POU2F1: variants seen among roughly 807,000 people sequenced by gnomAD.
POU2F1 encodes POU domain, class 2, transcription factor 1.
POU2F1 carries 16 observed loss-of-function variants against 84.9 expected under a neutral mutation model. The ratio of observed to expected loss-of-function variants is 0.19; its 90% CI spans 0.13 to 0.29. The LOEUF (loss-of-function observed/expected upper bound fraction) is 0.29, where lower values mean the gene tolerates loss of function less well. Ranked by LOEUF, POU2F1 falls within the 10% of genes least tolerant of loss-of-function variation. The pLI, the probability that POU2F1 is intolerant of heterozygous loss-of-function variation, is 1.00. For missense variants in POU2F1, 738 were observed against 942.6 expected (o/e 0.78, Z 2.84); for synonymous variants, 368 against 368.3 (o/e 1.00, Z 0.01).
At chr1:167,252,767 G>T (rs1241297146) in intron 1 of POU2F1, among the ~76,000 whole-genome samples, 1 of 152,146 alleles carries the variant, frequency 6.6e-6, no homozygotes, top group Non-Finnish European at 1.5e-5. Context: ...ATTATTTTAA[G>T]AATACGTAAC....
chr1:167,376,384 G>A (rs1660334210), intron 7 of POU2F1, among the ~76,000 whole-genome samples: 1 of 152,148 alleles, frequency 6.6e-6, no homozygotes, highest in Non-Finnish European at 1.5e-5. Context: ...AATCACTAAG[G>A]AAGAACCAAG....
chr1:167,242,332 CAAG>C (rs908745001), intron 1 of POU2F1, among the ~76,000 whole-genome samples: 6 of 152,128 alleles, frequency 3.9e-5, no homozygotes, highest in East Asian at 1.9e-4. Context: ...AGAAGAGAAC[CAAG>C]AAGAAGTGTA....
intron 1 of POU2F1, among the ~76,000 whole-genome samples, chr1:167,332,122 C>A (rs1045455888): frequency 4.6e-5 from 7 of 151,942 alleles, no homozygotes; most frequent in African/African-American, 1.7e-4. Flanking sequence ...AGGTGCTTCC[C>A]CCCTTTCCAG....
At chr1:167,235,306 G>C (rs1221572881) in intron 1 of POU2F1, among the ~76,000 whole-genome samples, 2 of 152,284 alleles carry the variant, frequency 1.3e-5, no homozygotes, top group African/African-American at 2.4e-5. Context: ...TTGGCAGACT[G>C]TTTTATACAT....
At chr1:167,289,130 AT>A (rs1653737343) in intron 1 of POU2F1, among the ~76,000 whole-genome samples, 2 of 152,226 alleles carry the variant, frequency 1.3e-5, no homozygotes, top group African/African-American at 4.8e-5. Context: ...AGCTGCCTTT[AT>A]TCCAAATCAA....
chr1:167,324,624 C>T (rs1193339494), intron 1 of POU2F1, among the ~76,000 whole-genome samples: 2 of 152,144 alleles, frequency 1.3e-5, no homozygotes, highest in African/African-American at 4.8e-5. Context: ...ACTTGTCTTC[C>T]TCTCATGCCC....
intron 1 of POU2F1, among the ~76,000 whole-genome samples, chr1:167,300,436 C>T (rs763316187): frequency 2.0e-5 from 3 of 152,062 alleles, no homozygotes; most frequent in Non-Finnish European, 4.4e-5. Flanking sequence ...TAAAAATTTA[C>T]AAAAAGAATT....
chr1:167,314,679 T>G (rs1416341965), intron 1 of POU2F1, among the ~76,000 whole-genome samples: 2 of 151,896 alleles, frequency 1.3e-5, no homozygotes, highest in Admixed American at 6.6e-5. Flanking sequence ...GAGGCTGAGG[T>G]GGGAGGATTG....
Position 167,297,506 on chromosome 1 carries a change from G to A in POU2F1, c.62-34964G>A, listed in dbSNP as rs139727153. Among the ~76,000 whole-genome samples the A allele has an allele frequency of 3.3e-5, 5 of 152,310 alleles. No homozygotes were observed. The East Asian group carries it at 9.6e-4, about 29-fold the overall frequency. ...GTCCAGAGAAAAGAGAGTAGTCTCA[G>A]TATTCTCTATTAAAAGTAAGACTAT... On this transcript the variant is annotated intron_variant, in intron 1 of 15. Transcript: ENST00000367866.
intron 1 of POU2F1, among the ~76,000 whole-genome samples, chr1:167,289,818 T>C (rs956637655): frequency 6.6e-6 from 1 of 152,230 alleles, no homozygotes; most frequent in Non-Finnish European, 1.5e-5. Context: ...CTGGCTTGTG[T>C]TCTGTTCTCT....
intron 1 of POU2F1, among the ~76,000 whole-genome samples, chr1:167,272,916 A>T (rs1652472896): frequency 6.6e-6 from 1 of 152,144 alleles, no homozygotes; most frequent in Admixed American, 6.5e-5. Context: ...CACAATCCAA[A>T]GTCTTATCTG....
At chr1:167,273,230 C>T (rs981717141) in intron 1 of POU2F1, among the ~76,000 whole-genome samples, 9 of 152,182 alleles carry the variant, frequency 5.9e-5, no homozygotes, top group Non-Finnish European at 1.3e-4. Context: ...TACAGCCCCT[C>T]GGCTGTCTTT....
chr1:167,222,843 A>G (rs965968309), intron 1 of POU2F1, among the ~76,000 whole-genome samples: 3 of 152,196 alleles, frequency 2.0e-5, no homozygotes, highest in Non-Finnish European at 4.4e-5. Context: ...TATGAAATCT[A>G]TTTTGGTTTA....
intron 1 of POU2F1, among the ~76,000 whole-genome samples, chr1:167,304,236 TAC>T (rs1654903373): frequency 6.6e-6 from 1 of 152,336 alleles, no homozygotes; most frequent in Admixed American, 6.5e-5. Context: ...CTTATAATGT[TAC>T]AGTGTTACTG....
intron 9 of POU2F1, among the ~76,000 whole-genome samples, chr1:167,391,352 T>C (rs962680573): frequency 1.3e-5 from 2 of 152,040 alleles, no homozygotes; most frequent in East Asian, 3.8e-4. Context: ...CTGGGTGCCT[T>C]TATGGAATCA....
chr1:167,282,182 G>C (rs538273617), intron 1 of POU2F1, among the ~76,000 whole-genome samples: 1 of 147,448 alleles, frequency 6.8e-6, no homozygotes, highest in Non-Finnish European at 1.5e-5. Flanking sequence ...TCGCTCTGTC[G>C]CCCAGGCTGG....
chr1:167,244,319 A>G (rs1189778980), intron 1 of POU2F1, among the ~76,000 whole-genome samples: 1 of 152,306 alleles, frequency 6.6e-6, no homozygotes, highest in Non-Finnish European at 1.5e-5. Context: ...GGGGAAGCAT[A>G]TGCTGCCAAG....
intron 1 of POU2F1, among the ~76,000 whole-genome samples, chr1:167,291,331 G>A (rs1390143037): frequency 2.0e-5 from 3 of 152,146 alleles, no homozygotes; most frequent in South Asian, 2.1e-4. Flanking sequence ...AGAGATAAAG[G>A]TTGCCTTTTA....
At position 167,338,104 on chromosome 1, in the gene POU2F1, A is replaced by C. The variant is rs1571325872; in HGVS notation, c.127+5569A>C. 4 of 456,792 alleles carry C rather than the reference A, an allele frequency of 8.8e-6. No individual in the cohort carries two copies. The East Asian group carries it at 2.8e-4, about 32-fold the overall frequency. 28.3% of individuals were successfully genotyped at this position (456,792 alleles called of 1,614,324 possible). On this transcript the variant is annotated intron_variant, in intron 2 of 15. Coordinates refer to ENST00000367866, the MANE Select transcript of POU2F1 (RefSeq NM_002697.4). ...TTACAGTGTATTTCCATAAAGTTAC[A>C]CCAAGTGTGCCTGCCTCTCCTGCCT...
Sources: gnomAD v4.1 joint callset for allele counts (sites outside exome capture counted in the v4.1 genomes callset) on GRCh38, gnomAD v4.1.1 for gene constraint, MANE v1.5 for transcripts, NCBI Gene and HGNC (gene_info 2026-07-23, HGNC 2026-07-21) for gene names.